The following PINX1 variants were observed in gnomAD, a reference collection of about 807,000 sequenced individuals.
PINX1 encodes the protein PIN2 (TERF1) interacting telomerase inhibitor 1, also known as PIN2/TERF1-interacting telomerase inhibitor 1.
A neutral mutation model predicts 25.4 loss-of-function variants in PINX1; 34 were observed. The observed-to-expected ratio is 1.34, with a 90% CI of 1.02 to 1.78. The LOEUF is 1.78. Among genes scored for constraint, PINX1 ranks in the 40% most tolerant of loss-of-function variants. The probability of loss-of-function intolerance (pLI) is 0.00; values close to 1 mark genes in which losing one functional copy is unlikely to be tolerated. For missense variants in PINX1, 592 were observed against 404.9 expected (o/e 1.46, Z -3.97); for synonymous variants, 197 against 147.7 (o/e 1.33, Z -2.42).
intron 6 of PINX1, among the ~76,000 whole-genome samples, chr8:10,781,301 G>C (rs879430152): frequency 6.6e-6 from 1 of 152,098 alleles, no homozygotes; most frequent in Non-Finnish European, 1.5e-5. Flanking sequence ...CAATAATGTG[G>C]ATATCACACC....
intron 2 of PINX1, 162 bp downstream of exon 2, chr8:10,834,504 C>G: frequency 9.6e-7 from 1 of 1,042,662 alleles, no homozygotes; most frequent in South Asian, 1.7e-5. Flanking sequence ...TATGTCCAAT[C>G]CTAATTTATC....
chr8:10,834,496 T>C (rs1055140641), intron 2 of PINX1, 170 bp downstream of exon 2: 7 of 951,410 alleles, frequency 7.4e-6, no homozygotes, highest in African/African-American at 6.7e-5. Context: ...TTGACACTTA[T>C]GTCCAATCCT....
intron 6 of PINX1, among the ~76,000 whole-genome samples, chr8:10,797,798 T>G (rs1357691852): frequency 6.6e-6 from 1 of 152,176 alleles, no homozygotes; most frequent in African/African-American, 2.4e-5. Context: ...TTCAAAATAA[T>G]TTATTCAAAA....
In PINX1 at chr8:10,826,407, G is replaced by C. The variant is rs184020594; in HGVS notation, c.302-163C>G. ...AACAGCACCCTTCTGCTGGATCTCT[G>C]TTTTCTTTCTAGGAGTCAAATGATT... On this transcript the variant is annotated intron_variant, in intron 4 of 6. Coordinates refer to ENST00000314787, the MANE Select transcript of PINX1 (RefSeq NM_017884.6). 1.2e-3 allele frequency among the ~76,000 whole-genome samples: 181 copies of C among 152,276 alleles called. 1 individual carries two copies. The highest frequency in any genetic ancestry group is 3.9e-3 in the African/African-American group (162 of 41,546).
chr8:10,772,387 A>C (rs1176513921), intron 6 of PINX1, among the ~76,000 whole-genome samples: 1 of 152,236 alleles, frequency 6.6e-6, no homozygotes, highest in African/African-American at 2.4e-5. Flanking sequence ...GCCTGCCCTG[A>C]GCCACTATGG....
intron 6 of PINX1, among the ~76,000 whole-genome samples, chr8:10,817,842 T>C (rs1293976952): frequency 1.3e-5 from 2 of 152,204 alleles, no homozygotes; most frequent in African/African-American, 4.8e-5. Flanking sequence ...AAGCTCTCAG[T>C]ACAGCTGCAT....
intron 6 of PINX1, among the ~76,000 whole-genome samples, chr8:10,774,193 C>T (rs1437445528): frequency 6.6e-6 from 1 of 152,138 alleles, no homozygotes; most frequent in African/African-American, 2.4e-5. Flanking sequence ...ACCATGACAA[C>T]TCAAATGTAG....
chr8:10,800,722 C>T lies in PINX1; in HGVS notation c.471+19471G>A, dbSNP rs759430681. 9.2e-5 allele frequency among the ~76,000 whole-genome samples: 14 copies of T among 152,184 alleles called. No individual in the cohort carries two copies. The South Asian group carries it at 2.1e-3, about 23-fold the overall frequency. ...TGACCTCAAGTGATCTGCCTGCCTC[C>T]GCCTCCCAAAGTGCTGGGATTACCG... On this transcript the variant is annotated intron_variant, in intron 6 of 6. Coordinates refer to ENST00000314787, the MANE Select transcript of PINX1 (RefSeq NM_017884.6).
chr8:10,797,618 C>G (rs1317195221), intron 6 of PINX1, among the ~76,000 whole-genome samples: 2 of 152,168 alleles, frequency 1.3e-5, no homozygotes, highest in East Asian at 3.8e-4. Flanking sequence ...GAATCAGATT[C>G]AGAAGAAACC....
chr8:10,836,368 G>A (rs1798407597), intron 1 of PINX1, among the ~76,000 whole-genome samples: 1 of 152,178 alleles, frequency 6.6e-6, no homozygotes, highest in Non-Finnish European at 1.5e-5. Flanking sequence ...CACTGCGTCT[G>A]CTAATGAACA....
intron 6 of PINX1, among the ~76,000 whole-genome samples, chr8:10,784,614 T>C (rs1801690697): frequency 6.6e-6 from 1 of 152,234 alleles, no homozygotes; most frequent in African/African-American, 2.4e-5. Context: ...CCTAGTTTAC[T>C]GAAAGGCATA....
chr8:10,817,248 G>A (rs1490021016), intron 6 of PINX1, among the ~76,000 whole-genome samples: 1 of 152,146 alleles, frequency 6.6e-6, no homozygotes, highest in Non-Finnish European at 1.5e-5. Context: ...GCAACACCTT[G>A]GCCTCTGCAA....
chr8:10,777,811 C>T (rs527977559), intron 6 of PINX1, among the ~76,000 whole-genome samples: 28 of 152,324 alleles, frequency 1.8e-4, no homozygotes, highest in East Asian at 1.9e-4. Context: ...CCTTGTGCGA[C>T]TGGCTCCTGG....
chr8:10,837,214 C>T (rs943124750), intron 1 of PINX1, among the ~76,000 whole-genome samples: 1 of 152,180 alleles, frequency 6.6e-6, no homozygotes, highest in Non-Finnish European at 1.5e-5. Context: ...TAGAGGGTGT[C>T]TATGTGACCA....
chr8:10,832,841 G>T, intron 3 of PINX1, 51 bp downstream of exon 3: 1 of 1,059,128 alleles, frequency 9.4e-7, no homozygotes, highest in South Asian at 1.4e-5. Context: ...AGATTTACAA[G>T]ACTGAAGCCA....
chr8:10,793,425 A>G (rs955904663), intron 6 of PINX1, among the ~76,000 whole-genome samples: 3 of 152,210 alleles, frequency 2.0e-5, no homozygotes, highest in African/African-American at 7.2e-5. Flanking sequence ...CATAAAATGC[A>G]CTAACACTAA....
At chr8:10,821,290 T>G (rs991187570) in intron 5 of PINX1, among the ~76,000 whole-genome samples, 1 of 152,196 alleles carries the variant, frequency 6.6e-6, no homozygotes, top group African/African-American at 2.4e-5. Flanking sequence ...CTGGGGCACT[T>G]AAATATGATA....
At chr8:10,836,262 G>A (rs1224793872) in intron 1 of PINX1, among the ~76,000 whole-genome samples, 1 of 152,112 alleles carries the variant, frequency 6.6e-6, no homozygotes, top group Non-Finnish European at 1.5e-5. Flanking sequence ...AACAAGTTGG[G>A]CTCGAATTTG....
intron 5 of PINX1, among the ~76,000 whole-genome samples, chr8:10,820,584 G>C (rs1369465672): frequency 6.6e-6 from 1 of 152,170 alleles, no homozygotes; most frequent in African/African-American, 2.4e-5. Context: ...ATGCCCTCAA[G>C]ATGCAATTCC....
Sources: gnomAD v4.1 joint callset for allele counts (sites outside exome capture counted in the v4.1 genomes callset) on GRCh38, gnomAD v4.1.1 for gene constraint, MANE v1.5 for transcripts, NCBI Gene and HGNC (gene_info 2026-07-23, HGNC 2026-07-21) for gene names.